Variants in LTBP1 observed in about 807,000 individuals in gnomAD.
LTBP1 encodes latent-transforming growth factor beta-binding protein 1.
Under a neutral mutation model 207.6 loss-of-function variants are expected in LTBP1, and 129 were observed. That is an observed-to-expected ratio of 0.62 (90% confidence interval 0.54 to 0.72). The LOEUF (loss-of-function observed/expected upper bound fraction) is 0.72. Among genes scored for constraint, LTBP1 ranks in the 30% least tolerant of loss-of-function variants. The pLI is 0.00. For missense variants in LTBP1, 2,281 were observed against 2,217.2 expected (o/e 1.03, Z -0.58); for synonymous variants, 963 against 833.7 (o/e 1.16, Z -2.67).
At chr2:33,188,876 T>A (rs1452440347) in intron 7 of LTBP1, 25 bp downstream of exon 7, 1 of 1,610,618 alleles carries the variant, frequency 6.2e-7, no homozygotes, top group Admixed American at 1.7e-5. Flanking sequence ...CGAGCCTGCT[T>A]TAGCAGTGTC....
At chr2:33,153,874 A>AG (rs55946221) in intron 5 of LTBP1, among the ~76,000 whole-genome samples, 85,553 of 151,962 alleles carry the variant, frequency 0.56, 24,184 homozygotes, top group Middle Eastern at 0.61. Context: ...GTGTCCCCAG[A>AG]GCGGCATCAT....
chr2:33,140,423 A>C lies in LTBP1; in HGVS notation c.1201+5463A>C, dbSNP rs376413012. Among the ~76,000 whole-genome samples, 9 of 152,218 alleles carry C rather than the reference A, an allele frequency of 5.9e-5. No individual in the cohort carries two copies. In the South Asian group the frequency reaches 1.7e-3, roughly 28 times the overall value. ...GAAAATGCCATCGTGTCTCCCTTTC[A>C]CTGGAGAATGTATTTTCCCATTAAT... On this transcript the variant is annotated intron_variant, in intron 5 of 33. Coordinates refer to ENST00000404816, the MANE Select transcript of LTBP1 (RefSeq NM_206943.4).
intron 31 of LTBP1, 145 bp from the exon 32 acceptor site, chr2:33,389,039 C>T (rs2095292051): frequency 1.5e-5 from 17 of 1,121,850 alleles, no homozygotes; most frequent in Non-Finnish European, 2.2e-5. Flanking sequence ...GATATTCAGA[C>T]ACTTTCCAGG....
intron 3 of LTBP1, among the ~76,000 whole-genome samples, chr2:33,042,870 G>A (rs115272595): frequency 6.6e-6 from 1 of 152,148 alleles, no homozygotes; most frequent in African/African-American, 2.4e-5. Context: ...TTTTGGGAAG[G>A]AGTCTATATA....
chr2:33,151,910 T>C (rs759031583), intron 5 of LTBP1, among the ~76,000 whole-genome samples: 9 of 151,452 alleles, frequency 5.9e-5, no homozygotes, highest in Admixed American at 4.0e-4. Flanking sequence ...CGTTGATTGA[T>C]GGACATTTGG....
Position 33,320,778 on chromosome 2 carries a change from A to G in LTBP1, c.3730+5509A>G, listed in dbSNP as rs982366036. 2.0e-5 allele frequency among the ~76,000 whole-genome samples: 3 copies of G among 152,320 alleles called. No homozygotes were observed. The South Asian group carries it at 6.2e-4, about 32-fold the overall frequency. The stretch of plus-strand genomic sequence containing the variant: ...TATGGACTTTGGATGATAATGATGT[A>G]AGAGTTCATCAGTCATAACAACTGT... On this transcript the variant is annotated intron_variant, in intron 24 of 33. Transcript: ENST00000404816.
intron 31 of LTBP1, among the ~76,000 whole-genome samples, chr2:33,370,635 T>C (rs918561427): frequency 6.6e-5 from 10 of 152,258 alleles, no homozygotes; most frequent in Non-Finnish European, 1.5e-4. Flanking sequence ...AAAACTAGTT[T>C]GTTCATAGTT....
chr2:33,385,310 C>G (rs2095256355), intron 31 of LTBP1, among the ~76,000 whole-genome samples: 1 of 152,170 alleles, frequency 6.6e-6, no homozygotes, highest in Non-Finnish European at 1.5e-5. Context: ...TCTTCCATTG[C>G]TCTTTACTGC....
Position 33,134,712 on chromosome 2 carries a change from T to A in LTBP1, c.1034-81T>A, listed in dbSNP as rs745774918. 1 of 1,608,418 alleles carries A rather than the reference T, an allele frequency of 6.2e-7. No homozygotes were observed. Among genetic ancestry groups the A allele is most frequent in the Admixed American group, 1.7e-5 (1 of 58,702 alleles). On this transcript the variant is annotated intron_variant, in intron 4 of 33. Coordinates refer to ENST00000404816, the MANE Select transcript of LTBP1 (RefSeq NM_206943.4). The surrounding 1 kb of genome is among the most constrained non-coding windows in gnomAD (Gnocchi z 4.4). The stretch of plus-strand genomic sequence containing the variant: ...GCTCCTTTCTTTTCTTTTTTTCTGT[T>A]TTTTTAAACCTTCCAAGGCAAGTTC...
At chr2:33,397,604 T>A (rs922460796) in intron 33 of LTBP1, among the ~76,000 whole-genome samples, 3 of 145,256 alleles carry the variant, frequency 2.1e-5, no homozygotes, top group Admixed American at 7.3e-5. Context: ...GCCTCCCAGG[T>A]TCAAGCAATG....
chr2:33,123,933 A>G (rs906633689), intron 4 of LTBP1, among the ~76,000 whole-genome samples: 1 of 152,264 alleles, frequency 6.6e-6, no homozygotes, highest in African/African-American at 2.4e-5. Context: ...ATTCATTGAA[A>G]AAAAGTACCA....
At chr2:33,136,902 G>C (rs940336874) in intron 5 of LTBP1, among the ~76,000 whole-genome samples, 1 of 152,166 alleles carries the variant, frequency 6.6e-6, no homozygotes, top group Non-Finnish European at 1.5e-5. Context: ...TCTCCATATA[G>C]GATCGGCAGA....
intron 2 of LTBP1, among the ~76,000 whole-genome samples, chr2:32,967,613 G>A (rs947382653): frequency 6.6e-6 from 1 of 152,044 alleles, no homozygotes; most frequent in Admixed American, 6.6e-5. Flanking sequence ...GTATCTCCAA[G>A]TATTTTGGGA....
intron 3 of LTBP1, among the ~76,000 whole-genome samples, chr2:33,109,534 A>G (rs781142290): frequency 5.3e-5 from 8 of 152,354 alleles, no homozygotes; most frequent in Non-Finnish European, 8.8e-5. Flanking sequence ...TAAAATATGA[A>G]TTAGATGCAG....
At chr2:33,259,293 T>G (rs2092947960) in intron 12 of LTBP1, among the ~76,000 whole-genome samples, 1 of 152,234 alleles carries the variant, frequency 6.6e-6, no homozygotes, top group Admixed American at 6.5e-5. Context: ...CATAAAATGT[T>G]GTACCAGAAA....
chr2:33,105,621 T>C (rs2080024039), intron 3 of LTBP1, among the ~76,000 whole-genome samples: 2 of 152,032 alleles, frequency 1.3e-5, no homozygotes, highest in African/African-American at 4.8e-5. Flanking sequence ...TTAGTAAAGA[T>C]GGGGTTTTAT....
intron 3 of LTBP1, among the ~76,000 whole-genome samples, chr2:33,074,825 G>A (rs1459617185): frequency 4.8e-5 from 7 of 146,222 alleles, no homozygotes; most frequent in East Asian, 3.9e-4. Context: ...AGCCGAGATC[G>A]CACCACTGCA....
intron 2 of LTBP1, among the ~76,000 whole-genome samples, chr2:32,968,917 A>T (rs866477510): frequency 8.7e-4 from 93 of 107,252 alleles, no homozygotes; most frequent in Non-Finnish European, 7.9e-4. Flanking sequence ...GTGTGTGTGT[A>T]TTTTTTTTTT....
At chr2:33,337,132 G>A (rs182921772) in intron 24 of LTBP1, among the ~76,000 whole-genome samples, 168 of 152,302 alleles carry the variant, frequency 1.1e-3, no homozygotes, top group Non-Finnish European at 2.1e-3. Context: ...TAAATGAGAA[G>A]GTGACACAGG....
Sources: allele counts gnomAD v4.1 joint callset (sites outside exome capture counted in the v4.1 genomes callset), GRCh38; gene constraint gnomAD v4.1.1; non-coding constraint Gnocchi (gnomAD v3.1); transcripts MANE v1.5; gene names NCBI Gene and HGNC (gene_info 2026-07-23, HGNC 2026-07-21).